The following ASPH variants were observed in gnomAD, a reference collection of about 807,000 sequenced individuals.
The protein encoded by ASPH is aspartate beta-hydroxylase, also known as aspartyl/asparaginyl beta-hydroxylase.
Under a neutral mutation model 118.4 loss-of-function variants are expected in ASPH, and 100 were observed. That is an observed-to-expected ratio of 0.84 (90% CI 0.72 to 1.00). The LOEUF (loss-of-function observed/expected upper bound fraction) is 1.00, where lower values mean the gene tolerates loss of function less well. Among genes scored for constraint, ASPH ranks in the 50% least tolerant of loss-of-function variants. The pLI is 0.00. For missense variants in ASPH, 920 were observed against 919.5 expected (o/e 1.00, Z -0.01); for synonymous variants, 315 against 325.6 (o/e 0.97, Z 0.35).
At chr8:61,677,740 AAC>A (rs1306712811) in intron 3 of ASPH, among the ~76,000 whole-genome samples, 3 of 152,184 alleles carry the variant, frequency 2.0e-5, no homozygotes, top group Admixed American at 6.6e-5. Context: ...CTATGGGAAT[AAC>A]AGTTTCTTCT....
At chr8:61,569,362 AT>A (rs918677674) in intron 16 of ASPH, among the ~76,000 whole-genome samples, 24 of 151,678 alleles carry the variant, frequency 1.6e-4, no homozygotes, top group Middle Eastern at 3.4e-3. Context: ...AGTAGCATAT[AT>A]TTTTTTTTCT....
At chr8:61,640,727 T>G (rs968232210) in intron 10 of ASPH, among the ~76,000 whole-genome samples, 1 of 152,200 alleles carries the variant, frequency 6.6e-6, no homozygotes, top group Non-Finnish European at 1.5e-5. Context: ...ACTGCTCCAG[T>G]GTCCTGTGTT....
In ASPH at chr8:61,643,441, AC is replaced by A; in HGVS notation, c.710-9del. 6.2e-7 allele frequency: 1 copy of A among 1,602,390 alleles called. No homozygotes were observed. The highest frequency in any genetic ancestry group is 8.5e-7 in the Non-Finnish European group (1 of 1,179,486). ...CTACTGGTTCACTGGAATCTAAAAA[AC>A]AAAAACACACCTTTGCCAAACAGGA... is the stretch of plus-strand genomic sequence containing the variant. On this transcript the variant is annotated splice_polypyrimidine_tract_variant and intron_variant, in intron 8 of 24. Transcript: ENST00000379454.
chr8:61,665,383 C>A, intron 3 of ASPH: 1 of 1,613,550 alleles, frequency 6.2e-7, no homozygotes, highest in African/African-American at 1.3e-5. Flanking sequence ...TTGATTTTTT[C>A]CTATTTTCCT....
intron 1 of ASPH, 41 bp downstream of exon 1, chr8:61,714,228 C>T (rs1186034776): frequency 3.3e-5 from 47 of 1,437,002 alleles, no homozygotes; most frequent in Non-Finnish European, 4.1e-5. Flanking sequence ...CTCCCTACCC[C>T]GAGGCGAGGC....
chr8:61,584,051 TA>T (rs763434511), intron 14 of ASPH, 22 bp from the exon 15 acceptor site: 3 of 1,409,512 alleles, frequency 2.1e-6, no homozygotes, highest in Admixed American at 2.1e-5. Context: ...AAGAGATTTT[TA>T]TTTTTAACGT....
intron 17 of ASPH, among the ~76,000 whole-genome samples, chr8:61,564,598 C>A (rs931845184): frequency 1.3e-5 from 2 of 152,322 alleles, no homozygotes; most frequent in Admixed American, 1.3e-4. Context: ...TGCGTCCGGG[C>A]AGTAATGCTG....
In ASPH at chr8:61,520,259, C is replaced by A. The variant is rs1489567459; in HGVS notation, c.1901-2136G>T. 2.0e-5 allele frequency among the ~76,000 whole-genome samples: 3 copies of A among 152,184 alleles called. No homozygotes were observed. In the East Asian group the frequency reaches 5.8e-4, roughly 29 times the overall value. On this transcript the variant is annotated intron_variant, in intron 22 of 24. Transcript: ENST00000379454. ...CCCTGCTTATTAGGGAAGATGTGCTCAGAATGTACACAATGTCATCTGCTC... is the reference window on the plus strand; with the variant it reads ...CCCTGCTTATTAGGGAAGATGTGCTAAGAATGTACACAATGTCATCTGCTC...
rs1804963666 is a variant in ASPH, at chr8:61,501,690, T to C, written c.*1669A>G. 1 of 152,206 alleles carries C rather than the reference T, an allele frequency of 6.6e-6. No individual in the cohort carries two copies. Among genetic ancestry groups the C allele is most frequent in the African/African-American group, 2.4e-5 (1 of 41,456 alleles). 9.4% of individuals were successfully genotyped at this position (152,206 alleles called of 1,614,324 possible). On this transcript the variant is annotated 3_prime_UTR_variant, in exon 25 of 25. Coordinates refer to ENST00000379454, the MANE Select transcript of ASPH (RefSeq NM_004318.4). ...GATTTTAGTAATTAATTTGGATATT[T>C]TTCCTCCCATGCCTCTTCATCTGAT...
chr8:61,576,783 C>T lies in ASPH; in HGVS notation c.1138G>A (p.Gly380Arg), dbSNP rs1203360840. The T allele has an allele frequency of 2.5e-6, 4 of 1,608,852 alleles. No homozygotes were observed. Among genetic ancestry groups the T allele is most frequent in the Non-Finnish European group, 2.5e-6 (3 of 1,176,982 alleles). The change falls in exon 16 of 25, where the codon GGG becomes AGG. Residue 380 changes from glycine to arginine, a missense_variant. By Grantham distance (125) the Gly-to-Arg change is moderately radical. Coordinates refer to ENST00000379454, the MANE Select transcript of ASPH (RefSeq NM_004318.4). ...KYPQSPRARY[G>R]KAQCEDDLAE... ...GGGTCTCAGAATACCTGCGCCTTCC[C>T]ATATCTTGCTCGTGGACTCTGAGGG...
At chr8:61,674,669 C>A (rs567138470) in intron 3 of ASPH, among the ~76,000 whole-genome samples, 1 of 152,274 alleles carries the variant, frequency 6.6e-6, no homozygotes, top group South Asian at 2.1e-4. Flanking sequence ...CTTGAGGCTG[C>A]TACTTTCAGG....
rs578234500 is a variant in ASPH, at chr8:61,522,552, G to A, written c.1900+3425C>T. Among the ~76,000 whole-genome samples the A allele has an allele frequency of 2.0e-5, 3 of 152,330 alleles. No homozygotes were observed. In the South Asian group the frequency reaches 6.2e-4, roughly 32 times the overall value. On this transcript the variant is annotated intron_variant, in intron 22 of 24. Coordinates refer to ENST00000379454, the MANE Select transcript of ASPH (RefSeq NM_004318.4). ...TGTGTCATGGGAGGGACCAGGTGGA[G>A]ATAACTGAATCATGGGGGTGGTTTT...
At position 61,653,575 on chromosome 8, in the gene ASPH, C is replaced by A. The variant is rs766497212; in HGVS notation, c.408G>T (p.Val136=). 5 of 1,613,752 alleles carry A rather than the reference C, an allele frequency of 3.1e-6. No homozygotes were observed. Among genetic ancestry groups the A allele is most frequent in the Non-Finnish European group, 3.4e-6 (4 of 1,179,932 alleles). ...GGATGAGGACAAGCTTACCTGCCTC[C>A]ACAGGAACCTGCTCCTCGGGCTCAG... The part of the protein sequence containing the change: ...PHTEPEEQVP[V]EAEPQNIEDE... The change falls in exon 4 of 25, where the codon GTG becomes GTT. Residue 136 remains valine (V), a synonymous_variant. Coordinates refer to ENST00000379454, the MANE Select transcript of ASPH (RefSeq NM_004318.4).
At chr8:61,515,507 A>G (rs141396235) in intron 24 of ASPH, among the ~76,000 whole-genome samples, 126 of 152,000 alleles carry the variant, frequency 8.3e-4, no homozygotes, top group Admixed American at 1.4e-3. Flanking sequence ...GAACCTTTTC[A>G]TTTCTGTCAT....
intron 14 of ASPH, among the ~76,000 whole-genome samples, chr8:61,592,044 G>C (rs1841290163): frequency 6.6e-6 from 1 of 152,188 alleles, no homozygotes; most frequent in African/African-American, 2.4e-5. Flanking sequence ...TCCTGGCTTG[G>C]TAGAAGGACC....
In ASPH at chr8:61,501,036, A is replaced by AAAT. The variant is rs1231708547; in HGVS notation, c.*2320_*2322dup. On this transcript the variant is annotated 3_prime_UTR_variant, in exon 25 of 25. Coordinates refer to ENST00000379454, the MANE Select transcript of ASPH (RefSeq NM_004318.4). ...TAATTTTTATATTATACACTTGGAG[A>AAAT]AATAAAGTTGAAACAGAATTAAAAA... 29 of 152,174 alleles carry AAAT rather than the reference A, an allele frequency of 1.9e-4. No individual in the cohort carries two copies. The highest frequency in any genetic ancestry group is 1.9e-3 in the Admixed American group (29 of 15,274). The allele number at this position is 152,174 out of a possible 1,614,324, so 9.4% of individuals were successfully genotyped here.
intron 3 of ASPH, among the ~76,000 whole-genome samples, chr8:61,671,531 TAATC>T (rs1274465207): frequency 1.3e-5 from 2 of 152,152 alleles, no homozygotes; most frequent in African/African-American, 4.8e-5. Flanking sequence ...ATTTAAGAAA[TAATC>T]AAAGCAGCAT....
At chr8:61,708,844 A>T (rs953189022) in intron 1 of ASPH, among the ~76,000 whole-genome samples, 1 of 151,998 alleles carries the variant, frequency 6.6e-6, no homozygotes, top group Non-Finnish European at 1.5e-5. Context: ...TGGAAACCTG[A>T]CTATAACTGG....
In ASPH at chr8:61,500,986, T is replaced by C. The variant is rs1804792704; in HGVS notation, c.*2373A>G. The C allele has an allele frequency of 6.6e-6, 1 of 152,202 alleles. No individual in the cohort carries two copies. Among genetic ancestry groups the C allele is most frequent in the Non-Finnish European group, 1.5e-5 (1 of 68,032 alleles). 9.4% of individuals were successfully genotyped at this position (152,202 alleles called of 1,614,324 possible). ...GATCTAATGTTTTAATTTTTTCCCC[T>C]ATTGGTAGAGAACAATAACAGAAGT... On this transcript the variant is annotated 3_prime_UTR_variant, in exon 25 of 25. Coordinates refer to ENST00000379454, the MANE Select transcript of ASPH (RefSeq NM_004318.4).
Sources: allele counts gnomAD v4.1 joint callset (sites outside exome capture counted in the v4.1 genomes callset), GRCh38; gene constraint gnomAD v4.1.1; transcripts MANE v1.5; gene names NCBI Gene and HGNC (gene_info 2026-07-23, HGNC 2026-07-21).